Variants in KCNQ1 observed in about 807,000 individuals in gnomAD.
KCNQ1 encodes the protein potassium voltage-gated channel subfamily KQT member 1.
KCNQ1 carries 49 observed loss-of-function variants against 72.4 expected under a neutral mutation model. The ratio of observed to expected loss-of-function variants is 0.68; its 90% CI spans 0.54 to 0.86. The LOEUF (loss-of-function observed/expected upper bound fraction) is 0.86, where lower values mean the gene tolerates loss of function less well. Ranked by LOEUF, KCNQ1 falls within the 40% of genes least tolerant of loss-of-function variation. KCNQ1 has a pLI of 0.00. For synonymous variants in KCNQ1, 450 were observed against 412.6 expected (o/e 1.09, Z -1.10); for missense variants, 790 against 945.1 (o/e 0.84, Z 2.15).
At position 2,651,576 on chromosome 11, in the gene KCNQ1, C is replaced by A; in HGVS notation, c.1394-10385C>A. 1 of 398,656 alleles carries A rather than the reference C, an allele frequency of 2.5e-6. No homozygotes were observed. The highest frequency in any genetic ancestry group is 1.3e-4 in the South Asian group (1 of 7,854). The allele number at this position is 398,656 out of a possible 1,614,324, so 24.7% of individuals were successfully genotyped here. A position where few individuals can be genotyped will look rare whatever the true frequency, so the allele number is the denominator to read the frequency against. Reference sequence around the variant, plus strand: ...GATATTGTGTTCTTTACCTCCATGTCTCCAGTGCCTGCCACATAGCAGGTC... The same window carrying A: ...GATATTGTGTTCTTTACCTCCATGTATCCAGTGCCTGCCACATAGCAGGTC... On this transcript the variant is annotated intron_variant, in intron 10 of 15. Coordinates refer to ENST00000155840, the MANE Select transcript of KCNQ1 (RefSeq NM_000218.3). This position sits in a 1 kb window ranked among gnomAD's most constrained non-coding sequence, Gnocchi z 6.1.
intron 11 of KCNQ1, chr11:2,685,388 G>C (rs1053692405): frequency 2.5e-6 from 1 of 398,558 alleles, no homozygotes; most frequent in African/African-American, 2.1e-5. Context: ...ATGGGCAGGG[G>C]ATAGATGTGT....
chr11:2,629,111 TG>T (rs1315655582), intron 10 of KCNQ1: 61 of 398,196 alleles, frequency 1.5e-4, no homozygotes, highest in Non-Finnish European at 3.1e-5. Flanking sequence ...GGATTTTTTT[TG>T]TCTATATCTG....
rs887952361 is a variant in KCNQ1 at position 2,482,303 on chromosome 11, A to G, written c.386+36819A>G. Among the ~76,000 whole-genome samples the G allele has an allele frequency of 1.3e-5, 2 of 152,126 alleles. No individual in the cohort carries two copies. Among genetic ancestry groups the G allele is most frequent in the Non-Finnish European group, 2.9e-5 (2 of 68,022 alleles). On this transcript the variant is annotated intron_variant, in intron 1 of 15. Transcript: ENST00000155840. The surrounding 1 kb of genome is among the most constrained non-coding windows in gnomAD (Gnocchi z 5.7). ...CTCATTTGTATCTTCTTACCTTTTG[A>G]CACATGGCAGACATGTCTCACATCT...
intron 10 of KCNQ1, chr11:2,656,357 C>A (rs1849848106): frequency 1.0e-5 from 4 of 398,668 alleles, no homozygotes; most frequent in Admixed American, 4.4e-5. Flanking sequence ...ATTCTTCAAG[C>A]CTTACAGGTC....
intron 11 of KCNQ1, among the ~76,000 whole-genome samples, chr11:2,742,229 A>G (rs1016482087): frequency 1.3e-5 from 2 of 152,210 alleles, no homozygotes; most frequent in African/African-American, 4.8e-5. Flanking sequence ...CCATGATTTG[A>G]GACCCTGGGT....
Position 2,816,810 on chromosome 11 carries a change from GC to G in KCNQ1, c.1795-30952del, listed in dbSNP as rs894884417. 1.7e-4 allele frequency among the ~76,000 whole-genome samples: 26 copies of G among 152,026 alleles called. No individual in the cohort carries two copies. The highest frequency in any genetic ancestry group is 5.9e-4 in the Admixed American group (9 of 15,286). On this transcript the variant is annotated intron_variant, in intron 15 of 15. Coordinates refer to ENST00000155840, the MANE Select transcript of KCNQ1 (RefSeq NM_000218.3). The surrounding 1 kb of genome is among the most constrained non-coding windows in gnomAD (Gnocchi z 6.8). Reference sequence around the variant, plus strand: ...CTCAGGAGGCCTTCCCTGAGCCCCTGCCCCCTCCATTTCAGACATCTCCATC... The same window carrying G: ...CTCAGGAGGCCTTCCCTGAGCCCCTGCCCCTCCATTTCAGACATCTCCATC...
chr11:2,844,185 T>G (rs1451512409), intron 15 of KCNQ1, among the ~76,000 whole-genome samples: 1 of 152,142 alleles, frequency 6.6e-6, no homozygotes, highest in African/African-American at 2.4e-5. Flanking sequence ...CAGGGACACG[T>G]GCTGTGACAA....
intron 10 of KCNQ1, among the ~76,000 whole-genome samples, chr11:2,591,881 C>G (rs553778574): frequency 6.6e-6 from 1 of 152,268 alleles, no homozygotes; most frequent in African/African-American, 2.4e-5. Context: ...GACAGAGCGA[C>G]CCCTGATAAT....
At chr11:2,802,685 C>T (rs1834210700) in intron 15 of KCNQ1, among the ~76,000 whole-genome samples, 1 of 152,184 alleles carries the variant, frequency 6.6e-6, no homozygotes, top group African/African-American at 2.4e-5. Flanking sequence ...CTAGATGACA[C>T]TCACTGGGGA....
At position 2,735,818 on chromosome 11, in the gene KCNQ1, A is replaced by G. The variant is rs897033751; in HGVS notation, c.1515-33026A>G. Among the ~76,000 whole-genome samples, 2 of 151,938 alleles carry G rather than the reference A, an allele frequency of 1.3e-5. No individual in the cohort carries two copies. Among genetic ancestry groups the G allele is most frequent in the Non-Finnish European group, 2.9e-5 (2 of 67,988 alleles). On this transcript the variant is annotated intron_variant, in intron 11 of 15. Transcript: ENST00000155840. This position sits in a 1 kb window ranked among gnomAD's most constrained non-coding sequence, Gnocchi z 7.7. ...CCATCCCTCTGTGTGTGCCCGAGTCACCTTCTCCTCTCATAAGGACCCCAG... is the reference window on the plus strand; with the variant it reads ...CCATCCCTCTGTGTGTGCCCGAGTCGCCTTCTCCTCTCATAAGGACCCCAG...
Position 2,823,344 on chromosome 11 carries a change from A to G in KCNQ1, c.1795-24423A>G, listed in dbSNP as rs141461224. Among the ~76,000 whole-genome samples, 18 of 152,378 alleles carry G rather than the reference A, an allele frequency of 1.2e-4. No individual in the cohort carries two copies. The East Asian group carries it at 2.1e-3, about 18-fold the overall frequency. ...AAGTATCTATCAAGGGTGAGGATAC[A>G]GTAAAGACATTTTCAGATACTCAAG... is the stretch of plus-strand genomic sequence containing the variant. On this transcript the variant is annotated intron_variant, in intron 15 of 15. Coordinates refer to ENST00000155840, the MANE Select transcript of KCNQ1 (RefSeq NM_000218.3).
In KCNQ1 at chr11:2,787,917, TCAC is replaced by T. The variant is rs900472160; in HGVS notation, c.1794+9884_1794+9886del. 5.3e-5 allele frequency among the ~76,000 whole-genome samples: 8 copies of T among 152,084 alleles called. No homozygotes were observed. The highest frequency in any genetic ancestry group is 1.0e-4 in the Non-Finnish European group (7 of 68,024). ...TGAAAATTCCATTCCTGGATCTCAG[TCAC>T]CACTTTTTTAAGTGCTGTGCCACAC... On this transcript the variant is annotated intron_variant, in intron 15 of 15. Coordinates refer to ENST00000155840, the MANE Select transcript of KCNQ1 (RefSeq NM_000218.3). The surrounding 1 kb of genome is among the most constrained non-coding windows in gnomAD (Gnocchi z 6.3).
intron 1 of KCNQ1, among the ~76,000 whole-genome samples, chr11:2,470,818 T>A (rs1286296111): frequency 6.6e-6 from 1 of 152,164 alleles, no homozygotes; most frequent in Non-Finnish European, 1.5e-5. Context: ...AATAGTGCCC[T>A]TTTAGAGAGC....
rs1244226885 is a variant in KCNQ1, at chr11:2,549,364, G to A, written c.478-21264G>A. Among the ~76,000 whole-genome samples, 4 of 151,890 alleles carry A rather than the reference G, an allele frequency of 2.6e-5. No homozygotes were observed. Among genetic ancestry groups the A allele is most frequent in the African/African-American group, 9.7e-5 (4 of 41,234 alleles). On this transcript the variant is annotated intron_variant, in intron 2 of 15. Transcript: ENST00000155840. The surrounding 1 kb of genome is among the most constrained non-coding windows in gnomAD (Gnocchi z 6.2). ...GCACCTGGGGCGACCCTCCTTGGCC[G>A]TCCTTGCCATCCTCGCCATCCTCTC...
chr11:2,616,856 T>G, intron 10 of KCNQ1: 1 of 398,282 alleles, frequency 2.5e-6, no homozygotes, highest in Non-Finnish European at 4.4e-6. Flanking sequence ...GAATGTGTAG[T>G]TGGGTGGAGT....
At chr11:2,460,666 C>T (rs1324613133) in intron 1 of KCNQ1, among the ~76,000 whole-genome samples, 1 of 152,234 alleles carries the variant, frequency 6.6e-6, no homozygotes, top group Non-Finnish European at 1.5e-5. Flanking sequence ...GCCCTGTGCC[C>T]ACTGCTGGGG....
chr11:2,686,985 G>A (rs1350849333), intron 11 of KCNQ1: 11 of 398,528 alleles, frequency 2.8e-5, no homozygotes, highest in Non-Finnish European at 4.4e-6. Flanking sequence ...GGACAACACT[G>A]GGCCCTGACT....
chr11:2,468,680 A>G lies in KCNQ1; in HGVS notation c.386+23196A>G, dbSNP rs1481397924. 6.6e-6 allele frequency among the ~76,000 whole-genome samples: 1 copy of G among 152,112 alleles called. No homozygotes were observed. Among genetic ancestry groups the G allele is most frequent in the African/African-American group, 2.4e-5 (1 of 41,420 alleles). On this transcript the variant is annotated intron_variant, in intron 1 of 15. Coordinates refer to ENST00000155840, the MANE Select transcript of KCNQ1 (RefSeq NM_000218.3). This position sits in a 1 kb window ranked among gnomAD's most constrained non-coding sequence, Gnocchi z 5.7. Reference sequence around the variant, plus strand: ...TTATTTGGATGGACTCTGGCAGCCAACGCTGGTTTCGTCTGGCTTCTTTTA... The same window carrying G: ...TTATTTGGATGGACTCTGGCAGCCAGCGCTGGTTTCGTCTGGCTTCTTTTA...
At chr11:2,696,005 C>T in intron 11 of KCNQ1, 1 of 398,608 alleles carries the variant, frequency 2.5e-6, no homozygotes, top group Non-Finnish European at 4.4e-6. Flanking sequence ...AAGTTACATT[C>T]ATGAGTGTAA....
Sources: gnomAD v4.1 joint callset for allele counts (sites outside exome capture counted in the v4.1 genomes callset) on GRCh38, gnomAD v4.1.1 for gene constraint, Gnocchi (gnomAD v3.1) non-coding constraint, MANE v1.5 for transcripts, NCBI Gene and HGNC (gene_info 2026-07-23, HGNC 2026-07-21) for gene names.